The following MASP2 variants were observed in gnomAD, a reference collection of about 807,000 sequenced individuals.
The protein encoded by MASP2 is mannan-binding lectin serine protease 2.
In MASP2, 49 loss-of-function variants were observed where a neutral mutation model predicts 57.1. The observed-to-expected ratio is 0.86, with a 90% CI of 0.68 to 1.09. The LOEUF (loss-of-function observed/expected upper bound fraction) is 1.09. Among genes scored for constraint, MASP2 ranks in the 50% least tolerant of loss-of-function variants. The pLI, the probability that MASP2 is intolerant of heterozygous loss-of-function variation, is 0.00. For missense variants in MASP2, 900 were observed against 874.8 expected (o/e 1.03, Z -0.36); for synonymous variants, 379 against 340.8 (o/e 1.11, Z -1.24).
At chr1:11,046,163 C>A (rs371583647) in intron 3 of MASP2, 1 of 313,270 alleles carries the variant, frequency 3.2e-6, no homozygotes. Context: ...CAGGTGCGCA[C>A]CACCACGCCC....
intron 4 of MASP2, chr1:11,044,817 T>C (rs1423485129): frequency 5.2e-6 from 8 of 1,527,728 alleles, no homozygotes; most frequent in Non-Finnish European, 7.1e-6. Flanking sequence ...GCCAGGTTTA[T>C]TATTGGGTCC....
chr1:11,036,630 T>TC lies in MASP2; in HGVS notation c.1008+1062_1008+1063insG, dbSNP rs202120616. On this transcript the variant is annotated intron_variant, in intron 7 of 10. Transcript: ENST00000400897. ...TTGCAAGGTGGGAAAAGTGTCTCTC[T>TC]TTTTTTTTTTTTTTTTTTGACCCGC... Among the ~76,000 whole-genome samples, 9 of 74,576 alleles carry TC rather than the reference T, an allele frequency of 1.2e-4. 1 individual carries two copies. Among genetic ancestry groups the TC allele is most frequent in the South Asian group, 6.7e-4 (2 of 2,978 alleles). 48.9% of individuals were successfully genotyped at this position (74,576 alleles called of 152,430 possible).
At chr1:11,045,287 C>A in intron 4 of MASP2, 121 bp downstream of exon 4, 1 of 1,477,806 alleles carries the variant, frequency 6.8e-7, no homozygotes, top group African/African-American at 1.4e-5. Flanking sequence ...GCAGCAGGGC[C>A]TAGAAGCACC....
At chr1:11,028,708 T>TG (rs1643785904) in intron 10 of MASP2, among the ~76,000 whole-genome samples, 2 of 35,106 alleles carry the variant, frequency 5.7e-5, no homozygotes, top group African/African-American at 9.6e-5. Flanking sequence ...TTTTTTTTCT[T>TG]TTTTTTTTTT....
chr1:11,030,097 GCT>G, intron 10 of MASP2, 77 bp downstream of exon 10: 1 of 1,032,966 alleles, frequency 9.7e-7, no homozygotes, highest in South Asian at 1.4e-5. Context: ...GCCTACCACA[GCT>G]AAAGCTCTCC....
chr1:11,046,755 G>T (rs754450128), intron 2 of MASP2, 22 bp from the exon 3 acceptor site: 1 of 1,606,594 alleles, frequency 6.2e-7, no homozygotes, highest in East Asian at 2.2e-5. Flanking sequence ...GGTGTCACAG[G>T]GAGTGAAGGC....
At chr1:11,043,797 G>A (rs1268405305) in intron 4 of MASP2, among the ~76,000 whole-genome samples, 2 of 152,028 alleles carry the variant, frequency 1.3e-5, no homozygotes, top group African/African-American at 2.4e-5. Context: ...GGCAGCACTC[G>A]GGATGGAGCG....
At chr1:11,033,086 T>C (rs529702795) in intron 8 of MASP2, among the ~76,000 whole-genome samples, 2 of 152,082 alleles carry the variant, frequency 1.3e-5, no homozygotes, top group African/African-American at 2.4e-5. Context: ...CCCAGCACTT[T>C]GGGAAGCCAA....
Position 11,047,042 on chromosome 1 carries a change from C to T in MASP2, c.83G>A (p.Gly28Glu). The T allele has an allele frequency of 6.4e-6, 10 of 1,551,158 alleles. No individual in the cohort carries two copies. In the South Asian group the frequency reaches 9.5e-5, roughly 15 times the overall value. ...LGPKWPEPVF[G>E]RLASPGFPGE... The stretch of plus-strand genomic sequence containing the variant: ...TGGAAAGCCGGGGGATGCCAGGCGC[C>T]CGAACACAGGTTCAGGCCACTTCGG... The change falls in exon 2 of 11, where the codon GGG (glycine) becomes GAG (glutamate). Residue 28 changes from glycine to glutamate, a missense_variant. Coordinates refer to ENST00000400897, the MANE Select transcript of MASP2 (RefSeq NM_006610.4).
At position 11,047,129 on chromosome 1, in the gene MASP2, G is replaced by A; in HGVS notation, c.6-10C>T. On this transcript the variant is annotated splice_polypyrimidine_tract_variant and intron_variant, in intron 1 of 10. Transcript: ENST00000400897. ...CAGGAGGGTCAGCAGCCTATGGGCA[G>A]GGCAGGGGCGGTGAGGGCCCAGGCC... The A allele has an allele frequency of 6.5e-7, 1 of 1,548,844 alleles. No homozygotes were observed. The highest frequency in any genetic ancestry group is 8.7e-7 in the Non-Finnish European group (1 of 1,146,052).
chr1:11,039,074 A>T (rs1638334790), intron 6 of MASP2, among the ~76,000 whole-genome samples: 1 of 151,974 alleles, frequency 6.6e-6, no homozygotes, highest in African/African-American at 2.4e-5. Context: ...ACACCCACTT[A>T]TCCTTTAAAT....
chr1:11,046,987 G>C lies in MASP2; in HGVS notation c.138C>G (p.Arg46=). ...PGEYANDQER[R]WTLTAPPGYR... ...AGCCGGGGGGTGCAGTCAGGGTCCAGCGCCGCTCCTGGTCATTGGCATACT... is the reference window on the plus strand; with the variant it reads ...AGCCGGGGGGTGCAGTCAGGGTCCACCGCCGCTCCTGGTCATTGGCATACT... Residue 46 remains arginine (R), a synonymous_variant, in exon 2 of 11, where the codon CGC becomes CGG. Coordinates refer to ENST00000400897, the MANE Select transcript of MASP2 (RefSeq NM_006610.4). The C allele has an allele frequency of 6.4e-7, 1 of 1,556,670 alleles. No individual in the cohort carries two copies. Among genetic ancestry groups the C allele is most frequent in the Non-Finnish European group, 8.7e-7 (1 of 1,149,880 alleles).
intron 8 of MASP2, among the ~76,000 whole-genome samples, chr1:11,033,472 C>T (rs905060027): frequency 6.6e-6 from 1 of 151,974 alleles, no homozygotes; most frequent in Admixed American, 6.6e-5. Flanking sequence ...CGGTGAAATA[C>T]CATCTCTACT....
At chr1:11,031,079 G>T (rs537935737) in intron 8 of MASP2, among the ~76,000 whole-genome samples, 197 bp from the exon 9 acceptor site, 2 of 152,078 alleles carry the variant, frequency 1.3e-5, no homozygotes, top group Non-Finnish European at 2.9e-5. Context: ...CGTGCCTGTT[G>T]TCCCAATTAC....
chr1:11,045,628 A>T (rs1421286323), intron 3 of MASP2, 89 bp from the exon 4 acceptor site: 9 of 1,430,734 alleles, frequency 6.3e-6, no homozygotes, highest in Non-Finnish European at 7.5e-6. Context: ...ATGACCTCAG[A>T]GTGGACCTCA....
intron 10 of MASP2, among the ~76,000 whole-genome samples, chr1:11,028,481 A>G (rs1267166795): frequency 6.6e-6 from 1 of 152,154 alleles, no homozygotes; most frequent in Admixed American, 6.5e-5. Context: ...GTGGATTCCA[A>G]AATTTTATTT....
intron 8 of MASP2, among the ~76,000 whole-genome samples, chr1:11,031,367 C>CAA (rs377624168): frequency 9.2e-5 from 13 of 141,604 alleles, no homozygotes; most frequent in South Asian, 6.7e-4. Context: ...ACTAAAAATA[C>CAA]AAAAAAAAAA....
chr1:11,040,697 A>AGATG (rs766563381), intron 6 of MASP2, among the ~76,000 whole-genome samples: 56 of 150,482 alleles, frequency 3.7e-4, no homozygotes, highest in African/African-American at 4.4e-4. Context: ...ACAGCTGGAA[A>AGATG]GATGGATGGA....
chr1:11,034,785 G>A, intron 8 of MASP2, 43 bp downstream of exon 8: 1 of 1,362,738 alleles, frequency 7.3e-7, no homozygotes. Flanking sequence ...AGCAGAGGGA[G>A]TTCCGGGCGG....
Sources: gnomAD v4.1 joint callset for allele counts (sites outside exome capture counted in the v4.1 genomes callset) on GRCh38, gnomAD v4.1.1 for gene constraint, MANE v1.5 for transcripts, NCBI Gene and HGNC (gene_info 2026-07-23, HGNC 2026-07-21) for gene names.